Variants in GBF1 observed in about 807,000 individuals in gnomAD.
The protein encoded by GBF1 is Golgi-specific brefeldin A-resistance guanine nucleotide exchange factor 1.
GBF1 carries 114 observed loss-of-function variants against 210.5 expected under a neutral mutation model. That is an observed-to-expected ratio of 0.54 (90% CI 0.47 to 0.63). GBF1 has a LOEUF of 0.63. Among genes scored for constraint, GBF1 ranks in the 30% least tolerant of loss-of-function variants. GBF1 has a pLI of 0.00. For missense variants in GBF1, 1,851 were observed against 2,357.7 expected, an observed-to-expected ratio of 0.79 and a Z score of 4.45; for synonymous variants, 850 against 889.2, an observed-to-expected ratio of 0.96 and a Z score of 0.78.
intron 1 of GBF1, among the ~76,000 whole-genome samples, chr10:102,251,013 A>G (rs1157054003): frequency 6.6e-6 from 1 of 152,156 alleles, no homozygotes; most frequent in African/African-American, 2.4e-5. Context: ...ATTAAGAAAA[A>G]AAAAAAAACC....
At position 102,363,494 on chromosome 10, in the gene GBF1, C is replaced by G. The variant is rs1007614932; in HGVS notation, c.2017+98C>G. The G allele has an allele frequency of 1.7e-6, 2 of 1,170,184 alleles. No homozygotes were observed. The highest frequency in any genetic ancestry group is 2.5e-6 in the Non-Finnish European group (2 of 812,944). 72.5% of individuals were successfully genotyped at this position (1,170,184 alleles called of 1,614,324 possible). On this transcript the variant is annotated intron_variant, in intron 16 of 39. Transcript: ENST00000369983. This position sits in a 1 kb window ranked among gnomAD's most constrained non-coding sequence, Gnocchi z 4.2. Reference sequence around the variant, plus strand: ...ACACCTAGGATAGTAACTAAGCAAGCCTTGGTAGCCCGCCTCGCCTTCAGA... The same window carrying G: ...ACACCTAGGATAGTAACTAAGCAAGGCTTGGTAGCCCGCCTCGCCTTCAGA...
chr10:102,368,630 G>T (rs1210346796), intron 22 of GBF1, 109 bp from the exon 23 acceptor site: 7 of 876,474 alleles, frequency 8.0e-6, no homozygotes, highest in Non-Finnish European at 1.3e-5. Context: ...AAATTAAAAG[G>T]TTTCTTCCTG....
intron 3 of GBF1, among the ~76,000 whole-genome samples, chr10:102,339,078 A>G (rs934792683): frequency 6.6e-6 from 1 of 152,178 alleles, no homozygotes; most frequent in Admixed American, 6.5e-5. Context: ...AAGACTTAGT[A>G]TAAGCCGGGC....
At chr10:102,230,791 CCTGGCACGGTG>C in the GBF1 span, 3 of 1,547,990 alleles carry the variant, frequency 1.9e-6, no homozygotes, top group Non-Finnish European at 2.6e-6. Flanking sequence ...GGCCCCAGGC[CCTGGCACGGTG>C]CCCGGGGCAG....
intron 29 of GBF1, among the ~76,000 whole-genome samples, chr10:102,371,798 A>T (rs1191211819): frequency 2.0e-5 from 3 of 152,056 alleles, no homozygotes; most frequent in Admixed American, 1.3e-4. Flanking sequence ...GTGTGGTGGC[A>T]CACACCTGTA....
chr10:102,233,756 C>A, the GBF1 span, among the ~76,000 whole-genome samples: 2 of 152,226 alleles, frequency 1.3e-5, no homozygotes, highest in African/African-American at 4.8e-5. Flanking sequence ...CACTCATGGA[C>A]AGCCTCTACC....
At chr10:102,306,989 C>G (rs113253454) in intron 3 of GBF1, among the ~76,000 whole-genome samples, 58 of 152,222 alleles carry the variant, frequency 3.8e-4, no homozygotes, top group African/African-American at 1.3e-3. Context: ...GAAAGCCAGC[C>G]AAGAATCTCC....
chr10:102,380,693 G>T lies in GBF1; in HGVS notation c.5173+7G>T, dbSNP rs745622142. On this transcript the variant is annotated splice_region_variant and intron_variant, in intron 38 of 39. Transcript: ENST00000369983. ...AAGCAGACCGTCATCCAGGGTAGGG[G>T]GCTCAGCCCAGCTTTATCAAAAAGA... is the stretch of plus-strand genomic sequence containing the variant. 1.3e-6 allele frequency: 2 copies of T among 1,599,066 alleles called. No homozygotes were observed. Among genetic ancestry groups the T allele is most frequent in the Non-Finnish European group, 1.7e-6 (2 of 1,171,172 alleles).
chr10:102,368,666 C>T, intron 22 of GBF1, 73 bp from the exon 23 acceptor site: 2 of 1,066,050 alleles, frequency 1.9e-6, no homozygotes, highest in South Asian at 1.3e-5. Context: ...GAGCCCCATG[C>T]AAGCTCAGGG....
chr10:102,326,682 C>T (rs2056927771), intron 3 of GBF1, among the ~76,000 whole-genome samples: 1 of 152,092 alleles, frequency 6.6e-6, no homozygotes. Context: ...TCTTTGAGTC[C>T]CCCAACCCCA....
At chr10:102,255,039 C>G (rs1235817901) in intron 1 of GBF1, among the ~76,000 whole-genome samples, 1 of 151,976 alleles carries the variant, frequency 6.6e-6, no homozygotes, top group Non-Finnish European at 1.5e-5. Flanking sequence ...TCTTCATTCC[C>G]TAGATGTTTC....
At chr10:102,231,852 G>A in the GBF1 span, 1 of 1,584,876 alleles carries the variant, frequency 6.3e-7, no homozygotes, top group African/African-American at 1.3e-5. Context: ...CTCCGGCTCG[G>A]GGACCTCCTA....
chr10:102,368,502 C>T lies in GBF1; in HGVS notation c.2879+48C>T, dbSNP rs775827124. ...CTTCACCTCCCACTAGCTCTGTGAGCTAACATGGTTTTCTCCATGCCTCTC... is the reference window on the plus strand; with the variant it reads ...CTTCACCTCCCACTAGCTCTGTGAGTTAACATGGTTTTCTCCATGCCTCTC... On this transcript the variant is annotated intron_variant, in intron 22 of 39. Transcript: ENST00000369983. 9 of 1,080,740 alleles carry T rather than the reference C, an allele frequency of 8.3e-6. No homozygotes were observed. The Admixed American group carries it at 1.5e-4, about 18-fold the overall frequency. The allele number at this position is 1,080,740 out of a possible 1,614,324, so 66.9% of individuals were successfully genotyped here. A position where few individuals can be genotyped will look rare whatever the true frequency, so the allele number is the denominator to read the frequency against.
chr10:102,277,049 G>C (rs1157505222), intron 3 of GBF1, among the ~76,000 whole-genome samples: 1 of 151,952 alleles, frequency 6.6e-6, no homozygotes, highest in Non-Finnish European at 1.5e-5. Flanking sequence ...TTTTTTGGCT[G>C]GGCACAGTGG....
intron 8 of GBF1, among the ~76,000 whole-genome samples, chr10:102,357,601 G>A (rs1220596865): frequency 6.6e-6 from 1 of 152,168 alleles, no homozygotes; most frequent in Non-Finnish European, 1.5e-5. Flanking sequence ...GTAGGAGGCT[G>A]CTCTACAAGC....
rs771589050 is a variant in GBF1, at chr10:102,258,915, A to C, written c.-10-14A>C. 2 of 1,290,918 alleles carry C rather than the reference A, an allele frequency of 1.5e-6. No individual in the cohort carries two copies. Among genetic ancestry groups the C allele is most frequent in the South Asian group, 2.4e-5 (2 of 84,680 alleles). The allele number at this position is 1,290,918 out of a possible 1,614,324, so 80.0% of individuals were successfully genotyped here. A position where few individuals can be genotyped will look rare whatever the true frequency, so the allele number is the denominator to read the frequency against. On this transcript the variant is annotated splice_polypyrimidine_tract_variant and intron_variant, in intron 1 of 39. Coordinates refer to ENST00000369983, the MANE Select transcript of GBF1 (RefSeq NM_001377137.1). ...CAAATATTAACCAGACTATTATCTT[A>C]ACTGTTTTGGTAGGTTTGCCAAGAT...
intron 3 of GBF1, among the ~76,000 whole-genome samples, chr10:102,326,215 T>C (rs1240366602): frequency 1.3e-5 from 2 of 152,238 alleles, no homozygotes; most frequent in African/African-American, 4.8e-5. Context: ...GTAAACTTGC[T>C]TCTAAATTGG....
chr10:102,255,547 C>T, intron 1 of GBF1, among the ~76,000 whole-genome samples: 1 of 152,216 alleles, frequency 6.6e-6, no homozygotes, highest in East Asian at 1.9e-4. Flanking sequence ...TTTCACTCCT[C>T]CACCACTCAG....
intron 8 of GBF1, among the ~76,000 whole-genome samples, chr10:102,353,968 C>G (rs1182045056): frequency 6.6e-6 from 1 of 152,202 alleles, no homozygotes; most frequent in African/African-American, 2.4e-5. Flanking sequence ...GCCATCCCCT[C>G]AAGACTTAGC....
Sources: allele counts gnomAD v4.1 joint callset (sites outside exome capture counted in the v4.1 genomes callset), GRCh38; gene constraint gnomAD v4.1.1; non-coding constraint Gnocchi (gnomAD v3.1); transcripts MANE v1.5; gene names NCBI Gene and HGNC (gene_info 2026-07-23, HGNC 2026-07-21).